Variants in PPARA observed in about 807,000 individuals in gnomAD.
The protein encoded by PPARA is peroxisome proliferator-activated receptor alpha.
A neutral mutation model predicts 42.2 loss-of-function variants in PPARA; 22 were observed. The ratio of observed to expected loss-of-function variants is 0.52; its 90% confidence interval spans 0.37 to 0.74. The LOEUF (loss-of-function observed/expected upper bound fraction) is 0.74. Among genes scored for constraint, PPARA ranks in the 30% least tolerant of loss-of-function variants. The probability of loss-of-function intolerance (pLI) is 0.00; values close to 1 mark genes in which losing one functional copy is unlikely to be tolerated. For synonymous variants in PPARA, 242 were observed against 239.3 expected (o/e 1.01, Z -0.10); for missense variants, 465 against 608.2 (o/e 0.76, Z 2.48).
At position 46,225,207 on chromosome 22, in the gene PPARA, C is replaced by G. The variant is rs558092177; in HGVS notation, c.711+5193C>G. On this transcript the variant is annotated intron_variant, in intron 7 of 8. Coordinates refer to ENST00000407236, the MANE Select transcript of PPARA (RefSeq NM_005036.6). The surrounding 1 kb of genome is among the most constrained non-coding windows in gnomAD (Gnocchi z 4.1). ...CATCTGGACACTGGGACTGTTTGAG[C>G]CCCTGAGATTTCAGAACCGTGGGCC... 6.6e-6 allele frequency among the ~76,000 whole-genome samples: 1 copy of G among 152,078 alleles called. No homozygotes were observed. Among genetic ancestry groups the G allele is most frequent in the Non-Finnish European group, 1.5e-5 (1 of 68,006 alleles).
intron 7 of PPARA, 130 bp downstream of exon 7, chr22:46,220,144 G>A (rs1934885074): frequency 1.9e-6 from 2 of 1,073,304 alleles, no homozygotes; most frequent in Non-Finnish European, 2.8e-6. Context: ...GGACAGCGAA[G>A]ATGGAAACAG....
At chr22:46,169,422 G>T (rs1927633972) in intron 2 of PPARA, among the ~76,000 whole-genome samples, 1 of 151,882 alleles carries the variant, frequency 6.6e-6, no homozygotes, top group African/African-American at 2.4e-5. Flanking sequence ...TTTTAGTAGA[G>T]ACGGGGTTTC....
intron 4 of PPARA, among the ~76,000 whole-genome samples, chr22:46,208,703 C>G (rs930013468): frequency 2.0e-5 from 3 of 152,052 alleles, no homozygotes; most frequent in Non-Finnish European, 4.4e-5. Flanking sequence ...TCCCCATTCC[C>G]TCCCTCAACC....
intron 3 of PPARA, among the ~76,000 whole-genome samples, chr22:46,185,949 ATATATATATAT>A: frequency 1.5e-5 from 1 of 67,334 alleles, no homozygotes; most frequent in African/African-American, 4.6e-5. Flanking sequence ...ATATATATAT[ATATATATATAT>A]ATATACACAC....
Position 46,236,986 on chromosome 22 carries a change from TTCTC to T in PPARA, c.*1612_*1615del, listed in dbSNP as rs951088467. The T allele has an allele frequency of 6.6e-5, 10 of 152,188 alleles. No individual in the cohort carries two copies. Among genetic ancestry groups the T allele is most frequent in the African/African-American group, 1.7e-4 (7 of 41,448 alleles). The allele number at this position is 152,188 out of a possible 1,614,324, so 9.4% of individuals were successfully genotyped here. A position where few individuals can be genotyped will look rare whatever the true frequency, so the allele number is the denominator to read the frequency against. ...AAGAATATATGGACCTGGAAACACT[TTCTC>T]TCTCTGTCCACCTGGTAGATAAATT... On this transcript the variant is annotated 3_prime_UTR_variant, in exon 9 of 9. Transcript: ENST00000407236. The surrounding 1 kb of genome is among the most constrained non-coding windows in gnomAD (Gnocchi z 5.2).
At chr22:46,206,758 C>G (rs1475667920) in intron 4 of PPARA, among the ~76,000 whole-genome samples, 2 of 151,984 alleles carry the variant, frequency 1.3e-5, no homozygotes, top group African/African-American at 4.8e-5. Flanking sequence ...ACATAATTAC[C>G]TTTTCTAGTG....
At position 46,234,387 on chromosome 22, in the gene PPARA, C is replaced by T. The variant is rs1328243059; in HGVS notation, c.1160-746C>T. Among the ~76,000 whole-genome samples the T allele has an allele frequency of 2.0e-5, 3 of 152,128 alleles. No homozygotes were observed. Among genetic ancestry groups the T allele is most frequent in the Non-Finnish European group, 2.9e-5 (2 of 68,018 alleles). ...AATGACTGGGTCTGTAAGGGAGCAC[C>T]GCCTGCTGAACATGGCTCAGGGCAG... is the stretch of plus-strand genomic sequence containing the variant. On this transcript the variant is annotated intron_variant, in intron 8 of 8. Transcript: ENST00000407236. This position sits in a 1 kb window ranked among gnomAD's most constrained non-coding sequence, Gnocchi z 5.8.
Position 46,212,863 on chromosome 22 carries a change from A to G in PPARA, c.209-2310A>G, listed in dbSNP as rs888035665. Reference sequence around the variant, plus strand: ...ATACAAAAATTAGCCGGGCGTGGTAATGGGCACCTGTAATCCCAGCTACTT... The same window carrying G: ...ATACAAAAATTAGCCGGGCGTGGTAGTGGGCACCTGTAATCCCAGCTACTT... On this transcript the variant is annotated intron_variant, in intron 4 of 8. Transcript: ENST00000407236. This position sits in a 1 kb window ranked among gnomAD's most constrained non-coding sequence, Gnocchi z 4.2. 1.3e-5 allele frequency among the ~76,000 whole-genome samples: 2 copies of G among 152,158 alleles called. No individual in the cohort carries two copies. The highest frequency in any genetic ancestry group is 2.4e-5 in the African/African-American group (1 of 41,536).
Position 46,182,244 on chromosome 22 carries a change from A to G in PPARA, c.-43+5408A>G, listed in dbSNP as rs1930068068. Among the ~76,000 whole-genome samples, 1 of 152,248 alleles carries G rather than the reference A, an allele frequency of 6.6e-6. No individual in the cohort carries two copies. Among genetic ancestry groups the G allele is most frequent in the Non-Finnish European group, 1.5e-5 (1 of 68,044 alleles). On this transcript the variant is annotated intron_variant, in intron 3 of 8. Transcript: ENST00000407236. This position sits in a 1 kb window ranked among gnomAD's most constrained non-coding sequence, Gnocchi z 5.2. ...AAAAAAGAAAGCATATATTCCATAC[A>G]GAGTCTAGTCCTGAATGTCTATAGC... is the stretch of plus-strand genomic sequence containing the variant.
chr22:46,242,443 T>C lies in PPARA; in HGVS notation c.*7063T>C, dbSNP rs1417768879. The C allele has an allele frequency of 2.0e-5, 3 of 152,694 alleles. No individual in the cohort carries two copies. The highest frequency in any genetic ancestry group is 4.4e-5 in the Non-Finnish European group (3 of 68,040). The allele number at this position is 152,694 out of a possible 1,614,324, so 9.5% of individuals were successfully genotyped here. ...AGATGAAGACCATGTAGTACTCTTT[T>C]TGGTAAAGTTACAGTGTTCATGTTA... is the stretch of plus-strand genomic sequence containing the variant. On this transcript the variant is annotated 3_prime_UTR_variant, in exon 9 of 9. Coordinates refer to ENST00000407236, the MANE Select transcript of PPARA (RefSeq NM_005036.6). This position sits in a 1 kb window ranked among gnomAD's most constrained non-coding sequence, Gnocchi z 6.1.
At position 46,232,981 on chromosome 22, in the gene PPARA, C is replaced by CAAAA. The variant is rs71192405; in HGVS notation, c.1159+759_1159+762dup. ...TGGGCGACGAAGAATGACCCTGTCT[C>CAAAA]AAAAAAAAAAAAAAAAAAAATTATA... On this transcript the variant is annotated intron_variant, in intron 8 of 8. Coordinates refer to ENST00000407236, the MANE Select transcript of PPARA (RefSeq NM_005036.6). The surrounding 1 kb of genome is among the most constrained non-coding windows in gnomAD (Gnocchi z 5.3). Among the ~76,000 whole-genome samples, 16 of 93,586 alleles carry CAAAA rather than the reference C, an allele frequency of 1.7e-4. No homozygotes were observed. The highest frequency in any genetic ancestry group is 3.9e-4 in the Admixed American group (3 of 7,674). The allele number at this position is 93,586 out of a possible 152,430, so 61.4% of individuals were successfully genotyped here. A position where few individuals can be genotyped will look rare whatever the true frequency, so the allele number is the denominator to read the frequency against.
intron 2 of PPARA, among the ~76,000 whole-genome samples, chr22:46,168,131 T>TTGCTTGAGC (rs764364176): frequency 6.6e-6 from 1 of 151,320 alleles, no homozygotes; most frequent in Non-Finnish European, 1.5e-5. Context: ...AGCAGGTGGA[T>TTGCTTGAGC]CACAAGGGCA....
chr22:46,155,824 A>C (rs1007969324), intron 2 of PPARA: 2 of 152,254 alleles, frequency 1.3e-5, no homozygotes, highest in Non-Finnish European at 2.9e-5. Context: ...TAGCTGTTCC[A>C]GCGGCCCATG....
At chr22:46,215,356 C>T in intron 5 of PPARA, 23 bp downstream of exon 5, 3 of 1,614,016 alleles carry the variant, frequency 1.9e-6, no homozygotes, top group Non-Finnish European at 2.5e-6. Context: ...TGGAACAGGG[C>T]CTGGTGGCCG....
Position 46,204,669 on chromosome 22 carries a change from A to G in PPARA, c.208+6078A>G, listed in dbSNP as rs1275399078. On this transcript the variant is annotated intron_variant, in intron 4 of 8. Coordinates refer to ENST00000407236, the MANE Select transcript of PPARA (RefSeq NM_005036.6). The surrounding 1 kb of genome is among the most constrained non-coding windows in gnomAD (Gnocchi z 5.2). ...TTTGCCATATATCTTCTTTGGTGAT[A>G]TTTCTGTTCAAAGCCTTTGCTCATT... 6.6e-6 allele frequency among the ~76,000 whole-genome samples: 1 copy of G among 151,950 alleles called. No homozygotes were observed. The highest frequency in any genetic ancestry group is 1.5e-5 in the Non-Finnish European group (1 of 67,996).
intron 3 of PPARA, among the ~76,000 whole-genome samples, chr22:46,185,956 TATATATATAC>T (rs1308227359): frequency 0.014 from 773 of 56,356 alleles, 123 homozygotes; most frequent in Non-Finnish European, 0.02. Flanking sequence ...TATATATATA[TATATATATAC>T]ACACACACTA....
At chr22:46,178,858 A>G (rs1019108978) in intron 3 of PPARA, among the ~76,000 whole-genome samples, 3 of 152,204 alleles carry the variant, frequency 2.0e-5, no homozygotes, top group African/African-American at 7.2e-5. Context: ...GTGTGTACCA[A>G]TGAGATAGAT....
chr22:46,234,130 C>A lies in PPARA; in HGVS notation c.1160-1003C>A, dbSNP rs1307922549. On this transcript the variant is annotated intron_variant, in intron 8 of 8. Transcript: ENST00000407236. The surrounding 1 kb of genome is among the most constrained non-coding windows in gnomAD (Gnocchi z 5.8). ...TGAGCCACTGCACCCGGCAATAATT[C>A]CTCTCTTTAGAGACTTAATAGTTAT... is the stretch of plus-strand genomic sequence containing the variant. Among the ~76,000 whole-genome samples, 1 of 152,008 alleles carries A rather than the reference C, an allele frequency of 6.6e-6. No individual in the cohort carries two copies. Among genetic ancestry groups the A allele is most frequent in the East Asian group, 1.9e-4 (1 of 5,176 alleles).
At chr22:46,159,155 G>C (rs571028120) in intron 2 of PPARA, among the ~76,000 whole-genome samples, 7 of 151,966 alleles carry the variant, frequency 4.6e-5, no homozygotes, top group Admixed American at 3.9e-4. Flanking sequence ...GCCACCCTAA[G>C]TACTGGGATT....
Sources: gnomAD v4.1 joint callset for allele counts (sites outside exome capture counted in the v4.1 genomes callset) on GRCh38, gnomAD v4.1.1 for gene constraint, Gnocchi (gnomAD v3.1) non-coding constraint, MANE v1.5 for transcripts, NCBI Gene and HGNC (gene_info 2026-07-23, HGNC 2026-07-21) for gene names.